Variants in DCC observed in about 807,000 individuals in gnomAD.
The protein encoded by DCC is DCC netrin 1 receptor, also known as netrin receptor DCC.
A neutral mutation model predicts 172.5 loss-of-function variants in DCC; 58 were observed. That is an observed-to-expected ratio of 0.34 (90% CI 0.27 to 0.42). The LOEUF (loss-of-function observed/expected upper bound fraction) is 0.42, where lower values mean the gene tolerates loss of function less well. Among genes scored for constraint, DCC ranks in the 10% least tolerant of loss-of-function variants. The probability of loss-of-function intolerance (pLI) is 1.00; values close to 1 mark genes in which losing one functional copy is unlikely to be tolerated. For missense variants in DCC, 1,740 were observed against 1,791.0 expected (o/e 0.97, Z 0.51); for synonymous variants, 709 against 644.5 (o/e 1.10, Z -1.52).
chr18:52,651,377 C>G (rs2035127959), intron 1 of DCC, among the ~76,000 whole-genome samples: 1 of 152,004 alleles, frequency 6.6e-6, no homozygotes, highest in South Asian at 2.1e-4. Flanking sequence ...GAGATAGGGT[C>G]TCACCATGTT....
At position 52,892,936 on chromosome 18, in the gene DCC, A is replaced by T. The variant is rs566700372; in HGVS notation, c.413-13108A>T. On this transcript the variant is annotated intron_variant, in intron 2 of 28. Coordinates refer to ENST00000442544, the MANE Select transcript of DCC (RefSeq NM_005215.4). ...CCAGAAGTCTTTAATCTAAATTATT[A>T]TTTCTGTTGGGATTTCTGGCTTCTT... Among the ~76,000 whole-genome samples, 141 of 152,202 alleles carry T rather than the reference A, an allele frequency of 9.3e-4. 1 individual carries two copies. Among genetic ancestry groups the T allele is most frequent in the African/African-American group, 3.3e-3 (138 of 41,556 alleles).
chr18:52,660,953 C>G (rs1476703406), intron 1 of DCC, among the ~76,000 whole-genome samples: 9 of 152,138 alleles, frequency 5.9e-5, no homozygotes, highest in Admixed American at 3.9e-4. Flanking sequence ...TGGGGAATGT[C>G]ATGACCTCAA....
At chr18:53,123,107 A>G (rs948665737) in intron 7 of DCC, among the ~76,000 whole-genome samples, 9 of 152,116 alleles carry the variant, frequency 5.9e-5, no homozygotes, top group African/African-American at 2.2e-4. Context: ...GTTCATCAAC[A>G]CAGTCTTTGC....
At chr18:53,402,619 G>A (rs1909381566) in intron 18 of DCC, among the ~76,000 whole-genome samples, 167 bp from the exon 19 acceptor site, 1 of 151,924 alleles carries the variant, frequency 6.6e-6, no homozygotes, top group Non-Finnish European at 1.5e-5. Flanking sequence ...ATTAATTTTT[G>A]TATCCTTGTT....
At chr18:52,910,208 G>A (rs1434425794) in intron 3 of DCC, among the ~76,000 whole-genome samples, 1 of 152,118 alleles carries the variant, frequency 6.6e-6, no homozygotes, top group Non-Finnish European at 1.5e-5. Context: ...TGTGGCTTAT[G>A]GGTGAAGGGA....
chr18:53,256,078 A>T (rs2056508213), intron 12 of DCC, among the ~76,000 whole-genome samples: 1 of 151,834 alleles, frequency 6.6e-6, no homozygotes, highest in South Asian at 2.1e-4. Context: ...TTTTCTTGTA[A>T]ATTTGTTTGA....
intron 1 of DCC, among the ~76,000 whole-genome samples, chr18:52,342,125 G>A (rs1443205104): frequency 6.6e-6 from 1 of 152,164 alleles, no homozygotes; most frequent in East Asian, 1.9e-4. Context: ...ACTGTCGCGA[G>A]GGATTCAGAC....
intron 3 of DCC, among the ~76,000 whole-genome samples, chr18:52,918,157 T>A (rs940500445): frequency 6.6e-6 from 1 of 152,138 alleles, no homozygotes; most frequent in Non-Finnish European, 1.5e-5. Context: ...TGTCAACCAA[T>A]TTATGAAATA....
chr18:52,747,310 G>A (rs1357802382), intron 1 of DCC, among the ~76,000 whole-genome samples: 3 of 152,138 alleles, frequency 2.0e-5, no homozygotes, highest in Non-Finnish European at 4.4e-5. Flanking sequence ...ATGAAGCAAG[G>A]CTTGGAAATG....
At chr18:53,370,589 C>T (rs1003795867) in intron 15 of DCC, among the ~76,000 whole-genome samples, 9 of 151,900 alleles carry the variant, frequency 5.9e-5, no homozygotes, top group African/African-American at 1.9e-4. Flanking sequence ...TTTATTTTCA[C>T]TTGGTTCCAT....
intron 5 of DCC, among the ~76,000 whole-genome samples, chr18:53,020,191 C>T (rs1312586774): frequency 6.6e-6 from 1 of 152,042 alleles, no homozygotes; most frequent in Non-Finnish European, 1.5e-5. Flanking sequence ...TCTAATGTGA[C>T]ACTTTCAAAT....
At chr18:52,702,435 A>G (rs1036680941) in intron 1 of DCC, among the ~76,000 whole-genome samples, 4 of 152,132 alleles carry the variant, frequency 2.6e-5, no homozygotes, top group African/African-American at 9.7e-5. Context: ...AACATCTTTA[A>G]TACACCCCTG....
chr18:52,747,279 G>T (rs2036921343), intron 1 of DCC, among the ~76,000 whole-genome samples: 1 of 152,080 alleles, frequency 6.6e-6, no homozygotes, highest in African/African-American at 2.4e-5. Flanking sequence ...TTATGGCAGA[G>T]TTCAAAGGAT....
chr18:52,990,315 C>A (rs779491782), intron 5 of DCC, among the ~76,000 whole-genome samples: 1 of 151,820 alleles, frequency 6.6e-6, no homozygotes, highest in African/African-American at 2.4e-5. Context: ...CAGAGGCAGG[C>A]AGATCACCTG....
chr18:52,902,836 G>T (rs1313424770), intron 2 of DCC, among the ~76,000 whole-genome samples: 1 of 152,050 alleles, frequency 6.6e-6, no homozygotes. Context: ...GAGACAAAAA[G>T]AAAAGACTAT....
chr18:53,417,911 A>T (rs1389752337), intron 21 of DCC, among the ~76,000 whole-genome samples: 1 of 152,192 alleles, frequency 6.6e-6, no homozygotes, highest in African/African-American at 2.4e-5. Flanking sequence ...AAGGCAAATG[A>T]GTAAATTATT....
At chr18:52,963,082 C>A (rs1239117950) in intron 5 of DCC, among the ~76,000 whole-genome samples, 1 of 150,644 alleles carries the variant, frequency 6.6e-6, no homozygotes, top group Non-Finnish European at 1.5e-5. Context: ...GCACTTGTAC[C>A]CTAAAACTTA....
intron 12 of DCC, among the ~76,000 whole-genome samples, chr18:53,304,108 G>T (rs1783119729): frequency 6.6e-6 from 1 of 152,056 alleles, no homozygotes; most frequent in Non-Finnish European, 1.5e-5. Context: ...CTCCTCTTCT[G>T]CTAGTCTGCT....
Position 53,534,075 on chromosome 18 carries a change from C to T in DCC, c.*3422C>T, listed in dbSNP as rs1405108887. 3 of 152,166 alleles carry T rather than the reference C, an allele frequency of 2.0e-5. No homozygotes were observed. Among genetic ancestry groups the T allele is most frequent in the Non-Finnish European group, 4.4e-5 (3 of 68,034 alleles). 9.4% of individuals were successfully genotyped at this position (152,166 alleles called of 1,614,324 possible). ...CTGATACTTATCCACCCTTTGGGTA[C>T]TTCTGTTGACTTTGTTTAAATAATC... is the stretch of plus-strand genomic sequence containing the variant. On this transcript the variant is annotated 3_prime_UTR_variant, in exon 29 of 29. Transcript: ENST00000442544.
Sources: gnomAD v4.1 joint callset for allele counts (sites outside exome capture counted in the v4.1 genomes callset) on GRCh38, gnomAD v4.1.1 for gene constraint, MANE v1.5 for transcripts, NCBI Gene and HGNC (gene_info 2026-07-23, HGNC 2026-07-21) for gene names.